PHLDB2: variants seen among roughly 807,000 people sequenced by gnomAD.
PHLDB2 encodes the protein pleckstrin homology like domain family B member 2.
PHLDB2 carries 71 observed loss-of-function variants against 123.6 expected under a neutral mutation model. That is an observed-to-expected ratio of 0.57 (90% CI 0.47 to 0.70). PHLDB2 has a LOEUF of 0.70. Ranked by LOEUF, PHLDB2 falls within the 30% of genes least tolerant of loss-of-function variation. The pLI, the probability that PHLDB2 is intolerant of heterozygous loss-of-function variation, is 0.00. For synonymous variants in PHLDB2, 547 were observed against 541.6 expected (o/e 1.01, Z -0.14); for missense variants, 1,446 against 1,519.5 (o/e 0.95, Z 0.80).
chr3:111,819,988 G>A (rs746277874), intron 1 of PHLDB2, among the ~76,000 whole-genome samples: 1 of 152,236 alleles, frequency 6.6e-6, no homozygotes, highest in African/African-American at 2.4e-5. Flanking sequence ...TTGAAGAAAA[G>A]TAGTGTTCAC....
chr3:111,940,259 G>A (rs951449627), intron 7 of PHLDB2, among the ~76,000 whole-genome samples: 4 of 152,096 alleles, frequency 2.6e-5, no homozygotes, highest in Non-Finnish European at 2.9e-5. Context: ...AAAATTCATC[G>A]ATAGCCTAAA....
intron 16 of PHLDB2, 65 bp downstream of exon 16, chr3:111,969,974 C>G: frequency 1.3e-6 from 2 of 1,489,188 alleles, no homozygotes; most frequent in Non-Finnish European, 1.9e-6. Flanking sequence ...AGAGCAAAGG[C>G]AATTGAAATT....
At chr3:111,743,345 G>A (rs921593676) in intron 1 of PHLDB2, among the ~76,000 whole-genome samples, 7 of 152,094 alleles carry the variant, frequency 4.6e-5, no homozygotes, top group African/African-American at 1.2e-4. Flanking sequence ...AATTCACATC[G>A]TTTGGACTGG....
At chr3:111,871,420 G>C (rs1356947318) in intron 1 of PHLDB2, among the ~76,000 whole-genome samples, 2 of 152,170 alleles carry the variant, frequency 1.3e-5, no homozygotes, top group African/African-American at 2.4e-5. Flanking sequence ...GGCCAAGGCA[G>C]GTGGATTACT....
intron 1 of PHLDB2, among the ~76,000 whole-genome samples, chr3:111,804,012 CT>C (rs10709078): frequency 0.28 from 42,228 of 151,846 alleles, 6,246 homozygotes; most frequent in Non-Finnish European, 0.32. Context: ...TTCCTGTCCT[CT>C]AATTCAGTTT....
intron 2 of PHLDB2, among the ~76,000 whole-genome samples, chr3:111,846,726 T>TACAC (rs1014288526): frequency 1.3e-5 from 2 of 151,632 alleles, no homozygotes; most frequent in African/African-American, 4.8e-5. Flanking sequence ...AGAACACACA[T>TACAC]ACACACACAC....
Position 111,952,679 on chromosome 3 carries a change from C to T in PHLDB2, c.2739C>T (p.Ser913=). ...KTTSSISPHF[S]SATMGRSITP... is the part of the protein sequence containing the mutation. ...CATCTTCCATCTCCCCACATTTCAG[C>T]AGTGCTACTATGGGGAGAAGCATCA... The change falls in exon 11 of 18, where the codon AGC becomes AGT. Residue 913 remains serine (S), a synonymous_variant. Coordinates refer to ENST00000431670, the MANE Select transcript of PHLDB2 (RefSeq NM_001134438.2). 3 of 1,613,932 alleles carry T rather than the reference C, an allele frequency of 1.9e-6. 1 individual carries two copies. In the South Asian group the frequency reaches 3.3e-5, roughly 18 times the overall value.
At chr3:111,858,221 G>A (rs1322406101), upstream of PHLDB2, among the ~76,000 whole-genome samples, 1 of 152,052 alleles carries the variant, frequency 6.6e-6, no homozygotes, top group Non-Finnish European at 1.5e-5. Context: ...ACCAAACACT[G>A]CATGTTCTCA....
chr3:111,915,585 A>G (rs35398004), intron 3 of PHLDB2: 22,273 of 152,178 alleles, frequency 0.15, 1,888 homozygotes, highest in Non-Finnish European at 0.18. Flanking sequence ...ACACGCCACC[A>G]TGCCTGGCTA....
intron 1 of PHLDB2, among the ~76,000 whole-genome samples, chr3:111,741,515 GTGTCCATGTGTGTGTGTGCA>G (rs1401835024): frequency 6.0e-5 from 9 of 150,656 alleles, no homozygotes; most frequent in Admixed American, 1.3e-4. Flanking sequence ...AAGTTTGTGT[GTGTCCATGTGTGTGTGTGCA>G]TGTCTCTGTG....
At chr3:111,790,845 T>TAAAC (rs1409647208) in intron 1 of PHLDB2, among the ~76,000 whole-genome samples, 2 of 152,156 alleles carry the variant, frequency 1.3e-5, no homozygotes, top group Non-Finnish European at 2.9e-5. Flanking sequence ...ATTAAAAAAT[T>TAAAC]AAACATTTTC....
chr3:111,904,862 T>A (rs1167803665), intron 2 of PHLDB2, among the ~76,000 whole-genome samples: 1 of 152,198 alleles, frequency 6.6e-6, no homozygotes, highest in Admixed American at 6.5e-5. Context: ...CTAATGCTTA[T>A]GCTGTTTACT....
chr3:111,886,436 G>C (rs1022199836), intron 2 of PHLDB2, among the ~76,000 whole-genome samples: 12 of 139,008 alleles, frequency 8.6e-5, no homozygotes, highest in African/African-American at 3.0e-4. Flanking sequence ...AACATTATGA[G>C]ATTTTTTTTG....
In PHLDB2 at chr3:111,815,192, T is replaced by G. The variant is rs149224188; in HGVS notation, c.-48-30629T>G. Among the ~76,000 whole-genome samples, 273 of 152,250 alleles carry G rather than the reference T, an allele frequency of 1.8e-3. 2 individuals carry two copies. The highest frequency in any genetic ancestry group is 2.8e-3 in the Non-Finnish European group (188 of 68,012). On this transcript the variant is annotated intron_variant, in intron 1 of 17. Transcript: ENST00000393923. The stretch of plus-strand genomic sequence containing the variant: ...CAATAAACCACTTTCTTTGGTAAAT[T>G]GCCCAGTCTCAGGTATGTCTTTGTC...
chr3:111,967,117 CGTTTTTAT>C (rs2071829670), intron 14 of PHLDB2, among the ~76,000 whole-genome samples: 1 of 152,152 alleles, frequency 6.6e-6, no homozygotes, highest in African/African-American at 2.4e-5. Context: ...TAAAATCCCA[CGTTTTTAT>C]GACTGTATTT....
intron 12 of PHLDB2, among the ~76,000 whole-genome samples, chr3:111,955,823 A>G (rs760394081): frequency 3.9e-5 from 6 of 152,228 alleles, no homozygotes; most frequent in Middle Eastern, 3.2e-3. Context: ...ACCATTAAGC[A>G]TTTTCATGTA....
At chr3:111,786,304 GT>G (rs1163789623) in intron 1 of PHLDB2, among the ~76,000 whole-genome samples, 3 of 152,136 alleles carry the variant, frequency 2.0e-5, no homozygotes, top group Admixed American at 6.5e-5. Context: ...CACAGATGCA[GT>G]TTTTTTCCCC....
chr3:111,926,437 G>A (rs1312803708), intron 5 of PHLDB2, among the ~76,000 whole-genome samples: 2 of 152,132 alleles, frequency 1.3e-5, no homozygotes, highest in Non-Finnish European at 2.9e-5. Context: ...CCCTTCCCGT[G>A]CCTCTTTCTT....
intron 3 of PHLDB2, chr3:111,914,922 G>A (rs772032546): frequency 2.0e-5 from 3 of 151,030 alleles, no homozygotes; most frequent in Middle Eastern, 3.4e-3. Context: ...TTGTTATTAC[G>A]TTTTTTTCAC....
Sources: gnomAD v4.1 joint callset for allele counts (sites outside exome capture counted in the v4.1 genomes callset) on GRCh38, gnomAD v4.1.1 for gene constraint, MANE v1.5 for transcripts, NCBI Gene and HGNC (gene_info 2026-07-23, HGNC 2026-07-21) for gene names.